GPD2: variants seen among roughly 807,000 people sequenced by gnomAD.
GPD2 encodes the protein glycerol-3-phosphate dehydrogenase, mitochondrial.
In GPD2, 54 loss-of-function variants were observed where a neutral mutation model predicts 82.4. The ratio of observed to expected loss-of-function variants is 0.66; its 90% CI spans 0.53 to 0.82. The LOEUF (loss-of-function observed/expected upper bound fraction) is 0.82. Among genes scored for constraint, GPD2 ranks in the 40% least tolerant of loss-of-function variants. The probability of loss-of-function intolerance (pLI) is 0.00; values close to 1 mark genes in which losing one functional copy is unlikely to be tolerated. For missense variants in GPD2, 748 were observed against 896.2 expected (o/e 0.83, Z 2.11); for synonymous variants, 288 against 306.1 (o/e 0.94, Z 0.62).
chr2:156,437,550 C>T (rs960844068), intron 1 of GPD2, among the ~76,000 whole-genome samples: 2 of 152,066 alleles, frequency 1.3e-5, no homozygotes, highest in African/African-American at 4.8e-5. Flanking sequence ...CTCACAGGGG[C>T]GTTATGTCAA....
chr2:156,568,915 A>G lies in GPD2; in HGVS notation c.1256A>G (p.Asn419Ser), dbSNP rs1196480875. The G allele has an allele frequency of 5.0e-6, 8 of 1,611,852 alleles. No homozygotes were observed. Among genetic ancestry groups the G allele is most frequent in the Middle Eastern group, 1.6e-4 (1 of 6,078 alleles). ...GCAGATACTCAGTCTATCTCCCGAA[A>G]TCATGTTGTTGATATCAGTGAGAGT... The part of the protein sequence containing the change: ...KSADTQSISR[N>S]HVVDISESGL... Residue 419 changes from asparagine to serine, a missense_variant, in exon 10 of 17, where the codon AAT (asparagine) becomes AGT (serine). Physicochemically the swap from Asn to Ser is conservative, Grantham distance 46. Transcript: ENST00000438166.
At chr2:156,498,329 T>C (rs1439944170) in intron 3 of GPD2, among the ~76,000 whole-genome samples, 1 of 152,136 alleles carries the variant, frequency 6.6e-6, no homozygotes, top group Non-Finnish European at 1.5e-5. Context: ...TATGTGAGCC[T>C]TTTAAAAGGC....
At chr2:156,425,084 A>ATT in the GPD2 span, among the ~76,000 whole-genome samples, 16 of 37,990 alleles carry the variant, frequency 4.2e-4, no homozygotes, top group Admixed American at 4.6e-3. Flanking sequence ...ATTTATATTC[A>ATT]TTTTATTTTT....
chr2:156,584,018 G>T lies in GPD2; in HGVS notation c.*1100G>T, dbSNP rs1460556118. The T allele has an allele frequency of 6.6e-6, 1 of 151,810 alleles. No individual in the cohort carries two copies. The highest frequency in any genetic ancestry group is 1.5e-5 in the Non-Finnish European group (1 of 67,904). The allele number at this position is 151,810 out of a possible 1,614,324, so 9.4% of individuals were successfully genotyped here. On this transcript the variant is annotated 3_prime_UTR_variant, in exon 17 of 17. Transcript: ENST00000438166. ...AATAAGGCACATAACCAGTTTCCAA[G>T]GTCATCATGGTTGCTTAAAGTCTTT...
intron 6 of GPD2, among the ~76,000 whole-genome samples, chr2:156,524,923 A>T (rs1351423904): frequency 6.6e-6 from 1 of 152,328 alleles, no homozygotes; most frequent in East Asian, 1.9e-4. Flanking sequence ...CTAGATAATT[A>T]CAGCATTTCA....
At chr2:156,429,945 G>A in the GPD2 span, among the ~76,000 whole-genome samples, 15 of 152,082 alleles carry the variant, frequency 9.9e-5, no homozygotes, top group Non-Finnish European at 1.8e-4. Flanking sequence ...TATTAGTTTT[G>A]TTTATTGGTA....
chr2:156,565,712 T>A (rs978118711), intron 9 of GPD2, among the ~76,000 whole-genome samples: 1 of 152,136 alleles, frequency 6.6e-6, no homozygotes, highest in Non-Finnish European at 1.5e-5. Flanking sequence ...TAGTAAAATA[T>A]GCCAGATTAA....
At chr2:156,505,133 G>T (rs1156263786) in intron 3 of GPD2, among the ~76,000 whole-genome samples, 2 of 151,806 alleles carry the variant, frequency 1.3e-5, no homozygotes, top group Non-Finnish European at 2.9e-5. Flanking sequence ...CAACTGTTTT[G>T]ATCCATGAAT....
rs115720178 is a variant in GPD2 at position 156,582,913 on chromosome 2, T to C, written c.2179T>C (p.Leu727=). The part of the protein sequence containing the change: ...PIPVDRSCGG[L] Reference sequence around the variant, plus strand: ...TCCAGTGGACCGTAGTTGTGGAGGATTGTGAGTCTGGGCAGTAAATCCACA... The same window carrying C: ...TCCAGTGGACCGTAGTTGTGGAGGACTGTGAGTCTGGGCAGTAAATCCACA... The change falls in exon 17 of 17, where the codon TTG becomes CTG. Residue 727 remains leucine, a synonymous_variant. Coordinates refer to ENST00000438166, the MANE Select transcript of GPD2 (RefSeq NM_000408.5). 2.5e-5 allele frequency: 40 copies of C among 1,612,872 alleles called. No homozygotes were observed. In the African/African-American group the frequency reaches 4.8e-4, roughly 19 times the overall value.
At position 156,513,458 on chromosome 2, in the gene GPD2, A is replaced by G. The variant is rs146598906; in HGVS notation, c.623A>G (p.Gln208Arg). The change falls in exon 6 of 17, where the codon CAG becomes CGG. Residue 208 changes from glutamine (Q) to arginine (R), a missense_variant. Physicochemically the swap from Gln to Arg is conservative, Grantham distance 43 (BLOSUM62 1). Coordinates refer to ENST00000438166, the MANE Select transcript of GPD2 (RefSeq NM_000408.5). ...GCCCTTGAACATTTCCCAATGCTCC[A>G]GAAGGACAAACTGGTAGGAGCAATT... ...SRALEHFPML[Q>R]KDKLVGAIVY... The G allele has an allele frequency of 6.2e-7, 1 of 1,613,250 alleles. No homozygotes were observed. The highest frequency in any genetic ancestry group is 1.3e-5 in the African/African-American group (1 of 74,912).
At chr2:156,450,707 G>A (rs298238) in intron 1 of GPD2, among the ~76,000 whole-genome samples, 21,489 of 67,668 alleles carry the variant, frequency 0.32, 4,321 homozygotes, top group Middle Eastern at 0.57. Flanking sequence ...GGTGTTTCTC[G>A]CAGAGGGGGA....
Position 156,513,495 on chromosome 2 carries a change from C to T in GPD2, c.660C>T (p.Asp220=), listed in dbSNP as rs115712695. 5.9e-5 allele frequency: 95 copies of T among 1,599,774 alleles called. No homozygotes were observed. The highest frequency in any genetic ancestry group is 2.0e-4 in the African/African-American group (15 of 74,394). The stretch of plus-strand genomic sequence containing the variant: ...TGGTAGGAGCAATTGTCTACTATGA[C>T]GGTATGTGATGTTTTTTTTTTTTTT... ...DKLVGAIVYY[D]GQHNDARMNL... Residue 220 remains aspartate, a splice_region_variant and synonymous_variant, in exon 6 of 17, where the codon GAC becomes GAT. Coordinates refer to ENST00000438166, the MANE Select transcript of GPD2 (RefSeq NM_000408.5).
chr2:156,570,300 T>C, intron 12 of GPD2, 82 bp downstream of exon 12: 1 of 1,319,886 alleles, frequency 7.6e-7, no homozygotes, highest in South Asian at 1.2e-5. Flanking sequence ...AAAAATTATA[T>C]GTAGCTAAGT....
upstream of GPD2, among the ~76,000 whole-genome samples, chr2:156,433,254 G>A (rs1292264413): frequency 6.6e-6 from 1 of 152,166 alleles, no homozygotes; most frequent in Non-Finnish European, 1.5e-5. Flanking sequence ...GGACTAGATT[G>A]CCTTTGTAGG....
chr2:156,457,124 A>AT (rs1682814304), intron 1 of GPD2, among the ~76,000 whole-genome samples: 1 of 152,062 alleles, frequency 6.6e-6, no homozygotes, highest in African/African-American at 2.4e-5. Flanking sequence ...TTTTATTAGT[A>AT]TTTTTTCCTA....
At chr2:156,473,966 G>A (rs943900426) in intron 1 of GPD2, among the ~76,000 whole-genome samples, 11 of 152,080 alleles carry the variant, frequency 7.2e-5, no homozygotes, top group Admixed American at 5.9e-4. Flanking sequence ...TATAGCAAAG[G>A]GACAGTAAAG....
At chr2:156,542,627 T>C (rs1215355397) in intron 6 of GPD2, among the ~76,000 whole-genome samples, 1 of 152,172 alleles carries the variant, frequency 6.6e-6, no homozygotes, top group Non-Finnish European at 1.5e-5. Flanking sequence ...ACTTAACACA[T>C]TGAGGTTGTA....
At position 156,557,553 on chromosome 2, in the gene GPD2, T is replaced by C. The variant is rs1244645950; in HGVS notation, c.1136T>C (p.Val379Ala). 2 of 1,598,244 alleles carry C rather than the reference T, an allele frequency of 1.3e-6. No homozygotes were observed. The highest frequency in any genetic ancestry group is 1.7e-5 in the Admixed American group (1 of 59,992). ...GATATCAACTTCATTTTGAATGAAGTGCGTAATTACCTGAGTTGTGATGTT... is the reference window on the plus strand; with the variant it reads ...GATATCAACTTCATTTTGAATGAAGCGCGTAATTACCTGAGTTGTGATGTT... ...EEDINFILNE[V>A]RNYLSCDVEV... Residue 379 changes from valine to alanine, a missense_variant, in exon 9 of 17, where the codon GTG (valine) becomes GCG (alanine). Val to Ala is a moderately conservative substitution (Grantham distance 64). Around this residue, in one of 3 missense-constraint regions of GPD2, gnomAD observed 692 missense variants for 809.7 expected, o/e 0.85. Coordinates refer to ENST00000438166, the MANE Select transcript of GPD2 (RefSeq NM_000408.5).
intron 4 of GPD2, among the ~76,000 whole-genome samples, chr2:156,511,259 G>C (rs1684988476): frequency 6.6e-6 from 1 of 152,202 alleles, no homozygotes; most frequent in African/African-American, 2.4e-5. Flanking sequence ...GAGCTATGTT[G>C]TAATGCAGGG....
Sources: gnomAD v4.1 joint callset for allele counts (sites outside exome capture counted in the v4.1 genomes callset) on GRCh38, gnomAD v4.1.1 for gene constraint, gnomAD v4.1.1 regional missense constraint, MANE v1.5 for transcripts, NCBI Gene and HGNC (gene_info 2026-07-23, HGNC 2026-07-21) for gene names.